ZDHHC20: variants seen among roughly 807,000 people sequenced by gnomAD.
ZDHHC20 encodes palmitoyltransferase ZDHHC20.
Under a neutral mutation model 57.8 loss-of-function variants are expected in ZDHHC20, and 43 were observed. The ratio of observed to expected loss-of-function variants is 0.74; its 90% CI spans 0.58 to 0.96. The LOEUF (loss-of-function observed/expected upper bound fraction) is 0.96, where lower values mean the gene tolerates loss of function less well. Among genes scored for constraint, ZDHHC20 ranks in the 40% least tolerant of loss-of-function variants. The pLI, the probability that ZDHHC20 is intolerant of heterozygous loss-of-function variation, is 0.00. For missense variants in ZDHHC20, 391 were observed against 441.1 expected (o/e 0.89, Z 1.02); for synonymous variants, 157 against 153.0 (o/e 1.03, Z -0.19).
chr13:21,399,386 T>C (rs1048054121), intron 7 of ZDHHC20, among the ~76,000 whole-genome samples: 37 of 151,602 alleles, frequency 2.4e-4, no homozygotes, highest in African/African-American at 8.7e-4. Context: ...TAAAATAAAA[T>C]ATAAAATAAT....
At position 21,375,078 on chromosome 13, in the gene ZDHHC20, G is replaced by C. The variant is rs974906542; in HGVS notation, c.*1618C>G. On this transcript the variant is annotated 3_prime_UTR_variant, in exon 13 of 13. Transcript: ENST00000400590. ...GAACCTGGAAGGCAGAGGTTGCAGC[G>C]AGCCAAGATCCCGCCACTGCACTCC... The C allele has an allele frequency of 2.0e-5, 9 of 454,050 alleles. No individual in the cohort carries two copies. Among genetic ancestry groups the C allele is most frequent in the African/African-American group, 8.0e-5 (4 of 49,992 alleles). 28.1% of individuals were successfully genotyped at this position (454,050 alleles called of 1,614,324 possible).
chr13:21,385,129 T>A (rs569134854), intron 9 of ZDHHC20, among the ~76,000 whole-genome samples: 17 of 152,174 alleles, frequency 1.1e-4, no homozygotes, highest in African/African-American at 3.9e-4. Context: ...CTTCCAGAGC[T>A]GAAAAATACA....
At position 21,386,166 on chromosome 13, in the gene ZDHHC20, G is replaced by A. The variant is rs1018652135; in HGVS notation, c.854+1342C>T. Among the ~76,000 whole-genome samples, 3 of 152,056 alleles carry A rather than the reference G, an allele frequency of 2.0e-5. No homozygotes were observed. The East Asian group carries it at 5.8e-4, about 29-fold the overall frequency. ...CGATGAACTTGAAGATACAGCAATA[G>A]GATCTATACAAAATGAAACACAGAA... On this transcript the variant is annotated intron_variant, in intron 9 of 12. Coordinates refer to ENST00000400590, the MANE Select transcript of ZDHHC20 (RefSeq NM_001330059.2).
At chr13:21,447,217 G>C (rs1883802209) in intron 1 of ZDHHC20, among the ~76,000 whole-genome samples, 1 of 116,016 alleles carries the variant, frequency 8.6e-6, no homozygotes, top group Non-Finnish European at 1.7e-5. Context: ...GTGAGAGAGG[G>C]AGCGTGGAGC....
chr13:21,378,768 C>CAAA (rs751093398), intron 11 of ZDHHC20, 30 bp from the exon 12 acceptor site: 152 of 688,606 alleles, frequency 2.2e-4, no homozygotes, highest in South Asian at 8.8e-4. Context: ...TATGACATGA[C>CAAA]AAAAAAAAAA....
intron 1 of ZDHHC20, among the ~76,000 whole-genome samples, chr13:21,457,199 T>G (rs1000884253): frequency 6.6e-6 from 1 of 152,244 alleles, no homozygotes; most frequent in Non-Finnish European, 1.5e-5. Context: ...TTGATCTCAT[T>G]TCTTAATATT....
intron 1 of ZDHHC20, among the ~76,000 whole-genome samples, chr13:21,456,742 C>T (rs1182179532): frequency 1.3e-5 from 2 of 152,154 alleles, no homozygotes; most frequent in Non-Finnish European, 2.9e-5. Flanking sequence ...TAAGATTCTG[C>T]CAAGCATCAG....
chr13:21,384,312 C>T (rs968542715), intron 9 of ZDHHC20, among the ~76,000 whole-genome samples: 6 of 151,756 alleles, frequency 4.0e-5, no homozygotes, highest in Non-Finnish European at 7.4e-5. Context: ...TGGTGGCATG[C>T]GCCTGTAATC....
rs1488321264 is a variant in ZDHHC20, at chr13:21,372,628, A to G, written c.*4068T>C. 1 of 152,202 alleles carries G rather than the reference A, an allele frequency of 6.6e-6. No individual in the cohort carries two copies. The highest frequency in any genetic ancestry group is 1.5e-5 in the Non-Finnish European group (1 of 68,022). 9.4% of individuals were successfully genotyped at this position (152,202 alleles called of 1,614,324 possible). Reference sequence around the variant, plus strand: ...AATTCATTATGACTTTTGAAAAAAAAAGTTTTAAAATGTTCTGTGTACATG... The same window carrying G: ...AATTCATTATGACTTTTGAAAAAAAGAGTTTTAAAATGTTCTGTGTACATG... On this transcript the variant is annotated 3_prime_UTR_variant, in exon 13 of 13. Transcript: ENST00000400590.
chr13:21,387,474 C>G (rs1593182563), intron 9 of ZDHHC20, 34 bp downstream of exon 9: 1 of 1,439,246 alleles, frequency 6.9e-7, no homozygotes, highest in Non-Finnish European at 9.2e-7. Flanking sequence ...ACCACAGATG[C>G]CATAATCTCT....
At chr13:21,387,850 A>G (rs977349788) in intron 8 of ZDHHC20, among the ~76,000 whole-genome samples, 1 of 152,158 alleles carries the variant, frequency 6.6e-6, no homozygotes, top group Non-Finnish European at 1.5e-5. Flanking sequence ...ATAAAGTAAC[A>G]TGTCAAAATA....
chr13:21,389,335 G>GT (rs1440256149), intron 8 of ZDHHC20, among the ~76,000 whole-genome samples: 3 of 152,146 alleles, frequency 2.0e-5, no homozygotes, highest in Non-Finnish European at 4.4e-5. Context: ...GCTAAGCAAT[G>GT]TTTTTTCAAA....
intron 1 of ZDHHC20, among the ~76,000 whole-genome samples, chr13:21,446,713 T>C (rs1366800705): frequency 6.6e-6 from 1 of 152,230 alleles, no homozygotes; most frequent in Admixed American, 6.5e-5. Context: ...TTCTACATAT[T>C]TGAGCAGTAT....
intron 4 of ZDHHC20, among the ~76,000 whole-genome samples, chr13:21,405,459 G>T (rs1368668786): frequency 6.6e-6 from 1 of 152,124 alleles, no homozygotes; most frequent in African/African-American, 2.4e-5. Flanking sequence ...AGAAAGCCAA[G>T]TTCTGTCTCA....
chr13:21,453,567 A>AT (rs1274285714), intron 1 of ZDHHC20, among the ~76,000 whole-genome samples: 1 of 152,182 alleles, frequency 6.6e-6, no homozygotes, highest in African/African-American at 2.4e-5. Flanking sequence ...GACAGACCAC[A>AT]TTCTGGGCTA....
chr13:21,427,142 T>C (rs1881359364), intron 1 of ZDHHC20, among the ~76,000 whole-genome samples: 1 of 152,130 alleles, frequency 6.6e-6, no homozygotes, highest in Non-Finnish European at 1.5e-5. Context: ...CACCATCTCA[T>C]TTTTCTTTTT....
chr13:21,398,581 C>A (rs1877169311), intron 7 of ZDHHC20, among the ~76,000 whole-genome samples: 1 of 152,156 alleles, frequency 6.6e-6, no homozygotes. Context: ...AAAGAAAGCT[C>A]ATTTTTTTCC....
In ZDHHC20 at chr13:21,443,529, C is replaced by T. The variant is rs948060277; in HGVS notation, c.118+15525G>A. Among the ~76,000 whole-genome samples the T allele has an allele frequency of 1.3e-5, 2 of 152,132 alleles. 1 individual carries two copies. The highest frequency in any genetic ancestry group is 4.8e-5 in the African/African-American group (2 of 41,432). On this transcript the variant is annotated intron_variant, in intron 1 of 12. Coordinates refer to ENST00000400590, the MANE Select transcript of ZDHHC20 (RefSeq NM_001330059.2). ...CTCTATGTCCTAGCTATGCCATAGGCCCAGGTTATATAGTTGATTTTATTT... is the reference window on the plus strand; with the variant it reads ...CTCTATGTCCTAGCTATGCCATAGGTCCAGGTTATATAGTTGATTTTATTT...
Position 21,419,814 on chromosome 13 carries a change from A to G in ZDHHC20, c.249+1247T>C, listed in dbSNP as rs375009381. Among the ~76,000 whole-genome samples, 15 of 152,334 alleles carry G rather than the reference A, an allele frequency of 9.8e-5. No homozygotes were observed. In the East Asian group the frequency reaches 1.9e-3, roughly 20 times the overall value. On this transcript the variant is annotated intron_variant, in intron 3 of 12. Coordinates refer to ENST00000400590, the MANE Select transcript of ZDHHC20 (RefSeq NM_001330059.2). ...GGTAGTTACACAGGTGTGTACACAT[A>G]TGCATACTTTTTGTATATATGTTCT...
Sources: gnomAD v4.1 joint callset for allele counts (sites outside exome capture counted in the v4.1 genomes callset) on GRCh38, gnomAD v4.1.1 for gene constraint, MANE v1.5 for transcripts, NCBI Gene and HGNC (gene_info 2026-07-23, HGNC 2026-07-21) for gene names.